Variants in ADAMTS3 observed in about 807,000 individuals in gnomAD.
ADAMTS3 encodes the protein A disintegrin and metalloproteinase with thrombospondin motifs 3.
In ADAMTS3, 73 loss-of-function variants were observed where a neutral mutation model predicts 129.0. The observed-to-expected ratio is 0.57, with a 90% CI of 0.47 to 0.69. The LOEUF (loss-of-function observed/expected upper bound fraction) is 0.69. Among genes scored for constraint, ADAMTS3 ranks in the 30% least tolerant of loss-of-function variants. ADAMTS3 has a pLI of 0.00. For synonymous variants in ADAMTS3, 477 were observed against 510.8 expected (o/e 0.93, Z 0.89); for missense variants, 1,457 against 1,514.5 (o/e 0.96, Z 0.63).
At chr4:72,352,910 G>A (rs934828058) in intron 4 of ADAMTS3, among the ~76,000 whole-genome samples, 2 of 151,968 alleles carry the variant, frequency 1.3e-5, no homozygotes, top group Admixed American at 6.6e-5. Context: ...TACTAAGAGA[G>A]GTTGAAGCAA....
intron 3 of ADAMTS3, among the ~76,000 whole-genome samples, chr4:72,466,218 G>C (rs148051666): frequency 1.3e-5 from 2 of 152,184 alleles, no homozygotes; most frequent in Non-Finnish European, 2.9e-5. Flanking sequence ...AAATTCCATA[G>C]AGAAAGCACT....
chr4:72,475,100 T>TA (rs1413196383), intron 3 of ADAMTS3, among the ~76,000 whole-genome samples: 1 of 149,970 alleles, frequency 6.7e-6, no homozygotes, highest in African/African-American at 2.4e-5. Context: ...AACAAAGAAT[T>TA]AAAAAATAGA....
At chr4:72,481,311 C>A (rs1405680010) in intron 3 of ADAMTS3, among the ~76,000 whole-genome samples, 2 of 152,134 alleles carry the variant, frequency 1.3e-5, no homozygotes, top group African/African-American at 4.8e-5. Context: ...TTTACAGCTA[C>A]AGGAATCCAG....
At chr4:72,473,683 T>C (rs1341535191) in intron 3 of ADAMTS3, among the ~76,000 whole-genome samples, 1 of 152,120 alleles carries the variant, frequency 6.6e-6, no homozygotes, top group African/African-American at 2.4e-5. Flanking sequence ...GAAAGCCAAG[T>C]GGGGAGCTGG....
intron 3 of ADAMTS3, among the ~76,000 whole-genome samples, chr4:72,456,345 C>CTATATATATTT (rs1200041073): frequency 1.4e-4 from 3 of 22,158 alleles, no homozygotes; most frequent in Non-Finnish European, 1.9e-4. Context: ...ACTGTATATA[C>CTATATATATTT]TATATATAGT....
intron 3 of ADAMTS3, among the ~76,000 whole-genome samples, chr4:72,530,399 ATGAAT>A (rs1160549387): frequency 4.8e-4 from 40 of 83,746 alleles, no homozygotes; most frequent in African/African-American, 1.8e-3. Flanking sequence ...ATTAACATAT[ATGAAT>A]TTAATATATA....
chr4:72,527,680 C>G (rs1229905514), intron 3 of ADAMTS3, among the ~76,000 whole-genome samples: 1 of 152,070 alleles, frequency 6.6e-6, no homozygotes, highest in East Asian at 1.9e-4. Flanking sequence ...GAAAAGAAGT[C>G]CAACAATCCA....
chr4:72,477,961 C>T lies in ADAMTS3; in HGVS notation c.505-62990G>A, dbSNP rs1012720171. ...ACCTAGAAGAAATGGATAAATTCTT[C>T]GACACATACACCCTCCCAAGACTAA... On this transcript the variant is annotated intron_variant, in intron 3 of 21. Transcript: ENST00000286657. 2.0e-3 allele frequency among the ~76,000 whole-genome samples: 309 copies of T among 152,088 alleles called. 1 individual carries two copies. Among genetic ancestry groups the T allele is most frequent in the African/African-American group, 6.8e-3 (283 of 41,502 alleles).
At chr4:72,395,985 A>C (rs75257143) in intron 4 of ADAMTS3, among the ~76,000 whole-genome samples, 2 of 152,352 alleles carry the variant, frequency 1.3e-5, no homozygotes, top group Admixed American at 6.5e-5. Context: ...GCTCTGAACG[A>C]AAGTGGAAAC....
At chr4:72,336,974 T>G (rs1720007696) in intron 5 of ADAMTS3, among the ~76,000 whole-genome samples, 1 of 151,974 alleles carries the variant, frequency 6.6e-6, no homozygotes, top group Admixed American at 6.6e-5. Context: ...AATGAAAACC[T>G]TGTGACTATA....
intron 3 of ADAMTS3, among the ~76,000 whole-genome samples, chr4:72,539,845 G>A (rs541066984): frequency 1.3e-4 from 20 of 152,250 alleles, no homozygotes; most frequent in Non-Finnish European, 2.6e-4. Context: ...CTTGCCTTCC[G>A]CCATGATTGT....
At chr4:72,418,074 A>G (rs539383178) in intron 3 of ADAMTS3, among the ~76,000 whole-genome samples, 7 of 152,270 alleles carry the variant, frequency 4.6e-5, no homozygotes, top group Admixed American at 3.3e-4. Context: ...AAATTCAATG[A>G]GTATGCTATG....
chr4:72,281,902 G>A lies in ADAMTS3; in HGVS notation c.*1234C>T, dbSNP rs1718354908. The stretch of plus-strand genomic sequence containing the variant: ...TCTACTCCCTGGAGAGAGCATTTCT[G>A]GCTTTGCTGTGAGCAAGGTGACTAC... On this transcript the variant is annotated 3_prime_UTR_variant, in exon 22 of 22. Coordinates refer to ENST00000286657, the MANE Select transcript of ADAMTS3 (RefSeq NM_014243.3). The A allele has an allele frequency of 1.3e-5, 2 of 152,106 alleles. No homozygotes were observed. The highest frequency in any genetic ancestry group is 2.1e-4 in the South Asian group (1 of 4,826). 9.4% of individuals were successfully genotyped at this position (152,106 alleles called of 1,614,324 possible).
At chr4:72,421,982 G>C (rs775469780) in intron 3 of ADAMTS3, among the ~76,000 whole-genome samples, 1 of 152,088 alleles carries the variant, frequency 6.6e-6, no homozygotes, top group Non-Finnish European at 1.5e-5. Context: ...CAGATGTTTT[G>C]AGAAACTCAA....
intron 3 of ADAMTS3, among the ~76,000 whole-genome samples, chr4:72,472,737 A>C (rs1434154830): frequency 6.6e-6 from 1 of 152,198 alleles, no homozygotes; most frequent in Non-Finnish European, 1.5e-5. Context: ...ATTACTGAAA[A>C]TGCCACATAT....
At chr4:72,437,954 T>A (rs1360888784) in intron 3 of ADAMTS3, among the ~76,000 whole-genome samples, 1 of 151,760 alleles carries the variant, frequency 6.6e-6, no homozygotes, top group African/African-American at 2.4e-5. Flanking sequence ...AAAGATGAGT[T>A]TAGCTTGATG....
intron 21 of ADAMTS3, 48 bp downstream of exon 21, chr4:72,288,703 G>A (rs1718575101): frequency 8.3e-7 from 1 of 1,211,652 alleles, no homozygotes; most frequent in Non-Finnish European, 1.2e-6. Flanking sequence ...TCTGCTTTTT[G>A]AGGTTTAAAA....
intron 3 of ADAMTS3, among the ~76,000 whole-genome samples, chr4:72,417,656 C>T (rs1015947985): frequency 6.6e-6 from 1 of 151,854 alleles, no homozygotes; most frequent in Non-Finnish European, 1.5e-5. Flanking sequence ...ATAGGCTGGG[C>T]GCAGTGGCTC....
chr4:72,424,883 G>A (rs2109938105), intron 3 of ADAMTS3, among the ~76,000 whole-genome samples: 1 of 152,024 alleles, frequency 6.6e-6, no homozygotes, highest in South Asian at 2.1e-4. Context: ...ACTTTTTATT[G>A]GAGGTTATTT....
Sources: gnomAD v4.1 joint callset for allele counts (sites outside exome capture counted in the v4.1 genomes callset) on GRCh38, gnomAD v4.1.1 for gene constraint, MANE v1.5 for transcripts, NCBI Gene and HGNC (gene_info 2026-07-23, HGNC 2026-07-21) for gene names.